EBF1: variants seen among roughly 807,000 people sequenced by gnomAD.
The protein encoded by EBF1 is transcription factor COE1.
In EBF1, 10 loss-of-function variants were observed where a neutral mutation model predicts 68.4. The ratio of observed to expected loss-of-function variants is 0.15; its 90% CI spans 0.09 to 0.25. The LOEUF (loss-of-function observed/expected upper bound fraction) is 0.25. Among genes scored for constraint, EBF1 ranks in the 10% least tolerant of loss-of-function variants. The probability of loss-of-function intolerance (pLI) is 1.00; values close to 1 mark genes in which losing one functional copy is unlikely to be tolerated. For missense variants in EBF1, 509 were observed against 794.4 expected (o/e 0.64, Z 4.32); for synonymous variants, 298 against 299.8 (o/e 0.99, Z 0.06).
intron 9 of EBF1, among the ~76,000 whole-genome samples, chr5:158,791,562 C>T (rs771582100): frequency 1.8e-4 from 27 of 151,604 alleles, no homozygotes; most frequent in Non-Finnish European, 2.9e-4. Context: ...CTGCTCCCCA[C>T]GAAACCCACC....
At chr5:159,016,178 C>T (rs1449161079) in intron 6 of EBF1, among the ~76,000 whole-genome samples, 2 of 152,302 alleles carry the variant, frequency 1.3e-5, no homozygotes, top group African/African-American at 4.8e-5. Flanking sequence ...GATGTCTGTA[C>T]AAACATTCCA....
chr5:158,708,455 A>C (rs1176048450), intron 14 of EBF1, among the ~76,000 whole-genome samples: 1 of 152,246 alleles, frequency 6.6e-6, no homozygotes, highest in Non-Finnish European at 1.5e-5. Context: ...ATTGTCATTA[A>C]GGGAAAATGA....
chr5:158,964,026 A>C (rs1187314759), intron 6 of EBF1, among the ~76,000 whole-genome samples: 2 of 152,164 alleles, frequency 1.3e-5, no homozygotes, highest in Non-Finnish European at 2.9e-5. Context: ...TTGTACCCTA[A>C]GTTGATGGGT....
At chr5:158,969,796 A>AAG (rs1234772688) in intron 6 of EBF1, among the ~76,000 whole-genome samples, 1 of 148,842 alleles carries the variant, frequency 6.7e-6, no homozygotes, top group Non-Finnish European at 1.5e-5. Flanking sequence ...AAAAAGAAGA[A>AAG]AGAGAGAGAG....
At chr5:159,098,166 A>C (rs1782995274) in intron 1 of EBF1, among the ~76,000 whole-genome samples, 1 of 152,156 alleles carries the variant, frequency 6.6e-6, no homozygotes, top group African/African-American at 2.4e-5. Context: ...GGGCCACCAG[A>C]TCTCCCACTG....
At chr5:158,924,896 C>T (rs1809318428) in intron 6 of EBF1, among the ~76,000 whole-genome samples, 1 of 151,032 alleles carries the variant, frequency 6.6e-6, no homozygotes, top group African/African-American at 2.4e-5. Context: ...AATCACGTGC[C>T]CATCCTTCCT....
Position 158,712,310 on chromosome 5 carries a change from CGCT to C in EBF1, c.1390_1392del (p.Ser464del), listed in dbSNP as rs771271567. The stretch of plus-strand genomic sequence containing the variant: ...CTCGGCACGTACCCGTGTGGTGATA[CGCT>C]GCTTGAGTTGCGGGTGAAACCTGAG... On this transcript the variant is annotated inframe_deletion, in exon 14 of 16. Transcript: ENST00000313708. 6.2e-7 allele frequency: 1 copy of C among 1,613,828 alleles called. No homozygotes were observed. The highest frequency in any genetic ancestry group is 1.7e-5 in the Admixed American group (1 of 59,980).
chr5:159,020,102 C>A lies in EBF1; in HGVS notation c.554+53294G>T, dbSNP rs1766376374. On this transcript the variant is annotated intron_variant, in intron 6 of 15. Coordinates refer to ENST00000313708, the MANE Select transcript of EBF1 (RefSeq NM_024007.5). ...TCTTTTCAAAGGACCCCTGTTGCCT[C>A]CTATGTCAGTCAAACTCCTTTGCCA... Among the ~76,000 whole-genome samples, 3 of 152,182 alleles carry A rather than the reference C, an allele frequency of 2.0e-5. No individual in the cohort carries two copies. In the South Asian group the frequency reaches 6.2e-4, roughly 32 times the overall value.
intron 6 of EBF1, among the ~76,000 whole-genome samples, chr5:159,069,698 CATT>C (rs1777485938): frequency 6.6e-6 from 1 of 152,096 alleles, no homozygotes; most frequent in Non-Finnish European, 1.5e-5. Context: ...TGACTTTTGT[CATT>C]ATCATCTTTT....
chr5:159,096,074 C>T (rs1380183925), intron 3 of EBF1, among the ~76,000 whole-genome samples: 1 of 152,240 alleles, frequency 6.6e-6, no homozygotes, highest in Non-Finnish European at 1.5e-5. Flanking sequence ...GAACAGGCCT[C>T]AGGAAGGGGA....
At chr5:159,085,876 T>C (rs1280573252) in intron 4 of EBF1, among the ~76,000 whole-genome samples, 1 of 152,124 alleles carries the variant, frequency 6.6e-6, no homozygotes, top group Admixed American at 6.6e-5. Flanking sequence ...TCAGAACCTG[T>C]AAATGATGAA....
intron 6 of EBF1, among the ~76,000 whole-genome samples, chr5:159,013,830 G>T (rs978538135): frequency 2.0e-5 from 3 of 152,156 alleles, no homozygotes; most frequent in Non-Finnish European, 4.4e-5. Flanking sequence ...CCCAAGCAAA[G>T]GTGTTCAATT....
At chr5:158,878,066 A>G (rs77239429) in intron 6 of EBF1, among the ~76,000 whole-genome samples, 44 of 151,360 alleles carry the variant, frequency 2.9e-4, no homozygotes, top group African/African-American at 1.1e-3. Flanking sequence ...GAGAAGTTTA[A>G]ATCAATTTGC....
chr5:158,967,919 G>A (rs901539646), intron 6 of EBF1, among the ~76,000 whole-genome samples: 1 of 152,106 alleles, frequency 6.6e-6, no homozygotes, highest in African/African-American at 2.4e-5. Flanking sequence ...ATGCTATTGA[G>A]AACAATGGCT....
In EBF1 at chr5:159,054,388, C is replaced by T. The variant is rs370152098; in HGVS notation, c.554+19008G>A. On this transcript the variant is annotated intron_variant, in intron 6 of 15. Coordinates refer to ENST00000313708, the MANE Select transcript of EBF1 (RefSeq NM_024007.5). ...AAAATATTATAATGTTTATATTTAA[C>T]GGTTGGATAATTTAAAATTTAAAAA... 5.3e-3 allele frequency among the ~76,000 whole-genome samples: 808 copies of T among 152,232 alleles called. 6 individuals are homozygous for T. The highest frequency in any genetic ancestry group is 0.012 in the Admixed American group (180 of 15,304).
intron 6 of EBF1, among the ~76,000 whole-genome samples, chr5:159,007,390 T>C (rs1168711093): frequency 6.6e-6 from 1 of 152,178 alleles, no homozygotes; most frequent in Non-Finnish European, 1.5e-5. Context: ...AAAAACAGCT[T>C]TTCTGGAATG....
At chr5:159,094,164 G>GAAAAA (rs1415478986) in intron 4 of EBF1, among the ~76,000 whole-genome samples, 1 of 14,206 alleles carries the variant, frequency 7.0e-5, no homozygotes. Context: ...GCCTTGGAAG[G>GAAAAA]CAAAAAAAAA....
chr5:158,707,803 G>C (rs920631263), intron 15 of EBF1, among the ~76,000 whole-genome samples, 176 bp downstream of exon 15: 8 of 152,260 alleles, frequency 5.3e-5, no homozygotes, highest in Non-Finnish European at 7.3e-5. Flanking sequence ...ATGGCCAAGG[G>C]CCAAGGGCCA....
At chr5:158,794,050 A>C (rs777313798) in intron 9 of EBF1, among the ~76,000 whole-genome samples, 1 of 152,206 alleles carries the variant, frequency 6.6e-6, no homozygotes, top group Non-Finnish European at 1.5e-5. Flanking sequence ...TTGTTTTAAA[A>C]GAAGATCTGC....
Sources: gnomAD v4.1 joint callset for allele counts (sites outside exome capture counted in the v4.1 genomes callset) on GRCh38, gnomAD v4.1.1 for gene constraint, MANE v1.5 for transcripts, NCBI Gene and HGNC (gene_info 2026-07-23, HGNC 2026-07-21) for gene names.